The following PCDHA3 variants were observed in gnomAD, a reference collection of about 807,000 sequenced individuals.
PCDHA3 encodes protocadherin alpha 3.
In PCDHA3, 41 loss-of-function variants were observed where a neutral mutation model predicts 62.2. That is an observed-to-expected ratio of 0.66 (90% CI 0.51 to 0.86). The LOEUF is 0.86. PCDHA3 is among the 40% of genes least tolerant of loss of function. The pLI, the probability that PCDHA3 is intolerant of heterozygous loss-of-function variation, is 0.00. For missense variants in PCDHA3, 1,304 were observed against 1,241.2 expected, an observed-to-expected ratio of 1.05 and a Z score of -0.76; for synonymous variants, 640 against 555.4, an observed-to-expected ratio of 1.15 and a Z score of -2.14.
chr5:140,931,716 T>G (rs1205500293), intron 1 of PCDHA3, among the ~76,000 whole-genome samples: 5 of 151,962 alleles, frequency 3.3e-5, no homozygotes, highest in Admixed American at 3.3e-4. Context: ...TAAAATAACT[T>G]CTATAAATAT....
chr5:140,850,170 AACG>A (rs2150470514), intron 1 of PCDHA3: 1 of 1,594,520 alleles, frequency 6.3e-7, no homozygotes, highest in Non-Finnish European at 8.6e-7. Context: ...GCTGGACGAG[AACG>A]ACAATGCGCC....
intron 1 of PCDHA3, chr5:140,883,418 C>T: frequency 6.2e-7 from 1 of 1,614,172 alleles, no homozygotes; most frequent in Non-Finnish European, 8.5e-7. Flanking sequence ...CTCAAATGGA[C>T]AGGTCACCTG....
intron 1 of PCDHA3, among the ~76,000 whole-genome samples, chr5:140,943,273 A>AG (rs1157586895): frequency 6.7e-6 from 1 of 150,362 alleles, no homozygotes; most frequent in Non-Finnish European, 1.5e-5. Flanking sequence ...AAAAAAAAAA[A>AG]AAAAGAAAGA....
At chr5:140,967,380 A>C in intron 1 of PCDHA3, 3 of 1,608,302 alleles carry the variant, frequency 1.9e-6, no homozygotes, top group Non-Finnish European at 2.6e-6. Flanking sequence ...GAGAACAGTA[A>C]AGTGCTTGAG....
chr5:140,884,233 T>A (rs782019323), intron 1 of PCDHA3: 1 of 1,613,364 alleles, frequency 6.2e-7, no homozygotes. Flanking sequence ...AGGACCACGG[T>A]GAGCCCGCGC....
chr5:140,836,844 T>A, intron 1 of PCDHA3: 1 of 827,256 alleles, frequency 1.2e-6, no homozygotes, highest in Non-Finnish European at 1.8e-6. Flanking sequence ...GCTTTATGTA[T>A]AATTATTATT....
intron 1 of PCDHA3, among the ~76,000 whole-genome samples, chr5:140,886,245 A>G (rs1241977297): frequency 6.6e-6 from 1 of 152,046 alleles, no homozygotes; most frequent in Non-Finnish European, 1.5e-5. Context: ...GAAATAAATA[A>G]AAGTATCTCT....
chr5:140,870,386 A>G (rs1209102528), intron 1 of PCDHA3: 1 of 1,614,082 alleles, frequency 6.2e-7, no homozygotes, highest in Middle Eastern at 1.6e-4. Flanking sequence ...ACTGCGCGGG[A>G]TGGGGGTTCG....
chr5:140,830,552 G>A (rs1771127329), intron 1 of PCDHA3: 2 of 1,081,316 alleles, frequency 1.8e-6, no homozygotes, highest in African/African-American at 3.3e-5. Context: ...CCTCATATTT[G>A]TCTTCTATAT....
At chr5:140,869,521 C>T (rs782236624) in intron 1 of PCDHA3, 4 of 1,614,064 alleles carry the variant, frequency 2.5e-6, no homozygotes, top group Non-Finnish European at 2.5e-6. Flanking sequence ...AGAACAAAAG[C>T]TGCTGATTGC....
intron 1 of PCDHA3, among the ~76,000 whole-genome samples, chr5:140,962,688 G>C (rs1433931568): frequency 2.0e-5 from 3 of 152,164 alleles, no homozygotes; most frequent in African/African-American, 7.2e-5. Context: ...TGTTTTATCT[G>C]TAAATAATGC....
In PCDHA3 at chr5:141,005,071, G is replaced by A. The variant is rs115656219; in HGVS notation, c.2543-4556G>A. On this transcript the variant is annotated intron_variant, in intron 3 of 3. Coordinates refer to ENST00000522353, the MANE Select transcript of PCDHA3 (RefSeq NM_018906.3). ...TACTGAATTCTTGCATTGTGCTAAG[G>A]ATCAAGCTTAGTACTTTACATGCAT... 5.2e-3 allele frequency among the ~76,000 whole-genome samples: 796 copies of A among 152,278 alleles called. 8 individuals are homozygous for A. The highest frequency in any genetic ancestry group is 0.018 in the African/African-American group (745 of 41,556).
chr5:140,978,406 T>C (rs1268497033), intron 1 of PCDHA3, among the ~76,000 whole-genome samples: 1 of 152,206 alleles, frequency 6.6e-6, no homozygotes, highest in African/African-American at 2.4e-5. Context: ...CCCTCTTCAA[T>C]CAGAAAAGAG....
intron 1 of PCDHA3, chr5:140,876,935 C>T (rs1554169119): frequency 6.2e-7 from 1 of 1,613,746 alleles, no homozygotes; most frequent in Non-Finnish European, 8.5e-7. Context: ...CAGAAGAACG[C>T]GCTGGTGTCC....
chr5:140,807,163 C>A, intron 1 of PCDHA3: 1 of 1,594,326 alleles, frequency 6.3e-7, no homozygotes, highest in Non-Finnish European at 8.5e-7. Flanking sequence ...GATATTTAAT[C>A]AGAACAAAAT....
At chr5:140,853,957 G>C in intron 1 of PCDHA3, 1 of 736,982 alleles carries the variant, frequency 1.4e-6, no homozygotes. Flanking sequence ...TCCCTTCCTT[G>C]AGCCCAGCAG....
At chr5:140,807,431 G>T (rs1554124008) in intron 1 of PCDHA3, 3 of 1,599,698 alleles carry the variant, frequency 1.9e-6, no homozygotes, top group Non-Finnish European at 2.6e-6. Context: ...TCTGCAGAAT[G>T]GCATTTTGTT....
intron 1 of PCDHA3, chr5:140,836,415 G>T (rs2150260164): frequency 3.1e-6 from 5 of 1,613,812 alleles, no homozygotes; most frequent in Admixed American, 1.7e-5. Context: ...GGCACCAAAG[G>T]CGTCGTCGCG....
chr5:140,851,181 A>G, intron 1 of PCDHA3: 2 of 1,246,750 alleles, frequency 1.6e-6, no homozygotes, highest in Middle Eastern at 6.4e-4. Flanking sequence ...ACACTTGAAA[A>G]CCAATTTAGT....
Sources: gnomAD v4.1 joint callset for allele counts (sites outside exome capture counted in the v4.1 genomes callset) on GRCh38, gnomAD v4.1.1 for gene constraint, MANE v1.5 for transcripts, NCBI Gene and HGNC (gene_info 2026-07-23, HGNC 2026-07-21) for gene names.